RIGI: variants seen among roughly 807,000 people sequenced by gnomAD.
The protein encoded by RIGI is RNA sensor RIG-I.
chr9:32,468,503 A>G, the RIGI span, among the ~76,000 whole-genome samples: 12 of 152,126 alleles, frequency 7.9e-5, no homozygotes, highest in African/African-American at 2.9e-4. Flanking sequence ...CCATCTCTAC[A>G]AAAAATTTAA....
the RIGI span, chr9:32,488,750 A>G: frequency 6.2e-7 from 1 of 1,609,362 alleles, no homozygotes; most frequent in East Asian, 2.2e-5. Flanking sequence ...CTTTCAAAGT[A>G]TTTTGAGAAT....
At chr9:32,491,215 C>T in the RIGI span, 1 of 1,474,076 alleles carries the variant, frequency 6.8e-7, no homozygotes, top group Non-Finnish European at 9.1e-7. Context: ...TTTCACAAGG[C>T]TGTGACTTTG....
At chr9:32,516,722 T>C in the RIGI span, among the ~76,000 whole-genome samples, 1 of 152,190 alleles carries the variant, frequency 6.6e-6, no homozygotes, top group Admixed American at 6.5e-5. Context: ...TGACTCTCAG[T>C]ATGATACTCT....
the RIGI span, among the ~76,000 whole-genome samples, chr9:32,477,515 A>G: frequency 1.3e-5 from 2 of 152,362 alleles, no homozygotes; most frequent in African/African-American, 4.8e-5. Context: ...TGTTAATACA[A>G]TGTGGCTGTG....
chr9:32,488,794 T>A, the RIGI span: 1 of 1,613,436 alleles, frequency 6.2e-7, no homozygotes, highest in Non-Finnish European at 8.5e-7. Context: ...TGGGATCTGA[T>A]TCGCAAAAAA....
At chr9:32,492,088 T>C in the RIGI span, among the ~76,000 whole-genome samples, 4 of 152,236 alleles carry the variant, frequency 2.6e-5, no homozygotes, top group Non-Finnish European at 5.9e-5. Flanking sequence ...TCTCAAGCTA[T>C]TTCTCTGATA....
chr9:32,514,019 A>G, the RIGI span, among the ~76,000 whole-genome samples: 3 of 152,254 alleles, frequency 2.0e-5, no homozygotes, highest in Non-Finnish European at 4.4e-5. Flanking sequence ...TCAAAACCAC[A>G]ATGAGATACC....
At chr9:32,487,321 TA>T in the RIGI span, 3 of 762,226 alleles carry the variant, frequency 3.9e-6, no homozygotes, top group Non-Finnish European at 4.2e-6. Flanking sequence ...TTAGAGAGGC[TA>T]AAAAATGTGA....
chr9:32,461,157 C>T, the RIGI span, among the ~76,000 whole-genome samples: 190 of 151,980 alleles, frequency 1.3e-3, no homozygotes, highest in African/African-American at 4.2e-3. Flanking sequence ...ATTTTTTAAA[C>T]GCTGAAAGAA....
chr9:32,513,591 A>C, the RIGI span, among the ~76,000 whole-genome samples: 1 of 152,256 alleles, frequency 6.6e-6, no homozygotes, highest in Non-Finnish European at 1.5e-5. Flanking sequence ...GATGGATTAA[A>C]GACTTAAATG....
At chr9:32,500,447 A>G in the RIGI span, among the ~76,000 whole-genome samples, 1 of 152,192 alleles carries the variant, frequency 6.6e-6, no homozygotes, top group African/African-American at 2.4e-5. Flanking sequence ...ATCTTTTGTT[A>G]GATTTATTCC....
At chr9:32,477,581 G>T in the RIGI span, among the ~76,000 whole-genome samples, 1 of 152,054 alleles carries the variant, frequency 6.6e-6, no homozygotes, top group Non-Finnish European at 1.5e-5. Context: ...ATATTTTAAG[G>T]TTAAAAAAAT....
the RIGI span, chr9:32,466,537 A>G: frequency 6.3e-6 from 7 of 1,108,080 alleles, no homozygotes; most frequent in Non-Finnish European, 7.5e-6. Context: ...CTAAAATTCA[A>G]CTTTGGTTCA....
At chr9:32,455,677 G>T in the RIGI span, 13 of 149,434 alleles carry the variant, frequency 8.7e-5, no homozygotes, top group Non-Finnish European at 1.6e-4. Context: ...AATACAAATA[G>T]AAAATGAAAA....
At chr9:32,518,469 C>T in the RIGI span, among the ~76,000 whole-genome samples, 2 of 151,354 alleles carry the variant, frequency 1.3e-5, no homozygotes, top group Non-Finnish European at 2.9e-5. Flanking sequence ...GTGTGTAAGT[C>T]ATGTAGTTTC....
the RIGI span, chr9:32,459,601 T>C: frequency 1.6e-6 from 2 of 1,231,990 alleles, no homozygotes; most frequent in Non-Finnish European, 2.2e-6. Context: ...TACATATACA[T>C]GCACGCACAT....
the RIGI span, among the ~76,000 whole-genome samples, chr9:32,502,876 C>T: frequency 6.6e-6 from 1 of 152,188 alleles, no homozygotes; most frequent in East Asian, 1.9e-4. Context: ...AGAGGGACAC[C>T]AGTCATATTG....
the RIGI span, among the ~76,000 whole-genome samples, chr9:32,460,284 A>G: frequency 6.6e-6 from 1 of 152,112 alleles, no homozygotes; most frequent in Admixed American, 6.5e-5. Flanking sequence ...TGGCATGAAA[A>G]CAGACTAATA....
the RIGI span, among the ~76,000 whole-genome samples, chr9:32,523,716 C>G: frequency 2.0e-5 from 3 of 152,134 alleles, no homozygotes; most frequent in Non-Finnish European, 4.4e-5. Flanking sequence ...CTGCCATTCT[C>G]TCTCTCCCTG....
Sources: gnomAD v4.1 joint callset for allele counts (sites outside exome capture counted in the v4.1 genomes callset) on GRCh38, gnomAD v4.1.1 for gene constraint, MANE v1.5 for transcripts, NCBI Gene and HGNC (gene_info 2026-07-23, HGNC 2026-07-21) for gene names.